Variants in CNTNAP2 observed in about 807,000 individuals in gnomAD.
CNTNAP2 encodes the protein contactin associated protein 2, also known as contactin-associated protein-like 2.
A neutral mutation model predicts 155.2 loss-of-function variants in CNTNAP2; 98 were observed. The observed-to-expected ratio is 0.63, with a 90% CI of 0.54 to 0.75. The LOEUF is 0.75. Among genes scored for constraint, CNTNAP2 ranks in the 30% least tolerant of loss-of-function variants. The pLI is 0.00. For missense variants in CNTNAP2, 1,727 were observed against 1,688.1 expected, an observed-to-expected ratio of 1.02 and a Z score of -0.40; for synonymous variants, 651 against 631.2, an observed-to-expected ratio of 1.03 and a Z score of -0.47.
intron 21 of CNTNAP2, among the ~76,000 whole-genome samples, chr7:148,323,294 CTTTTTTTTT>C (rs60109355): frequency 2.6e-4 from 13 of 49,464 alleles, no homozygotes; most frequent in African/African-American, 4.3e-4. Context: ...TTATGGATTT[CTTTTTTTTT>C]TTTTTTTTTT....
At chr7:148,173,528 G>T (rs1344099602) in intron 18 of CNTNAP2, among the ~76,000 whole-genome samples, 1 of 152,194 alleles carries the variant, frequency 6.6e-6, no homozygotes, top group Non-Finnish European at 1.5e-5. Context: ...GTACCTCCAG[G>T]CTACTGTTTG....
chr7:147,874,901 C>T (rs1799397222), intron 13 of CNTNAP2, among the ~76,000 whole-genome samples: 1 of 152,156 alleles, frequency 6.6e-6, no homozygotes, highest in Admixed American at 6.5e-5. Context: ...AAAATGCTGC[C>T]AGTCTCTTTG....
intron 14 of CNTNAP2, among the ~76,000 whole-genome samples, chr7:147,939,593 C>T (rs1800678734): frequency 6.6e-6 from 1 of 152,152 alleles, no homozygotes; most frequent in Non-Finnish European, 1.5e-5. Flanking sequence ...TCCCAAAGTG[C>T]TGGGATTACA....
chr7:146,128,932 A>T (rs1797676194), intron 1 of CNTNAP2, among the ~76,000 whole-genome samples: 1 of 152,164 alleles, frequency 6.6e-6, no homozygotes, highest in South Asian at 2.1e-4. Flanking sequence ...CAAAAATGAA[A>T]CAGAAATATT....
chr7:147,135,385 C>T (rs1479654547), intron 8 of CNTNAP2, among the ~76,000 whole-genome samples: 1 of 151,644 alleles, frequency 6.6e-6, no homozygotes, highest in Non-Finnish European at 1.5e-5. Context: ...AACAAAAAAC[C>T]CTACTTACTT....
At chr7:147,953,890 G>A (rs1204228810) in intron 14 of CNTNAP2, among the ~76,000 whole-genome samples, 1 of 152,124 alleles carries the variant, frequency 6.6e-6, no homozygotes, top group Non-Finnish European at 1.5e-5. Context: ...ACTAGCCATT[G>A]GATTAGGGCC....
chr7:146,569,261 C>T (rs531143537), intron 1 of CNTNAP2, among the ~76,000 whole-genome samples: 3 of 152,214 alleles, frequency 2.0e-5, no homozygotes, highest in South Asian at 2.1e-4. Flanking sequence ...CTTCGTGATC[C>T]GCCCTCCTCG....
chr7:147,008,260 T>G (rs939801164), intron 3 of CNTNAP2, among the ~76,000 whole-genome samples: 1 of 152,112 alleles, frequency 6.6e-6, no homozygotes, highest in Non-Finnish European at 1.5e-5. Flanking sequence ...CAGAAAATAA[T>G]GAGAACCAGC....
intron 1 of CNTNAP2, among the ~76,000 whole-genome samples, chr7:146,254,333 G>C (rs1403299827): frequency 6.6e-6 from 1 of 152,132 alleles, no homozygotes; most frequent in Non-Finnish European, 1.5e-5. Context: ...CATTTCATGT[G>C]TATTTCAATA....
At chr7:147,705,526 G>A (rs893389167) in intron 13 of CNTNAP2, among the ~76,000 whole-genome samples, 20 of 152,126 alleles carry the variant, frequency 1.3e-4, no homozygotes, top group African/African-American at 4.3e-4. Context: ...GCATTCTGTA[G>A]CTGCTGAATG....
chr7:146,455,386 A>AT (rs1341485706), intron 1 of CNTNAP2, among the ~76,000 whole-genome samples: 1 of 152,046 alleles, frequency 6.6e-6, no homozygotes, highest in South Asian at 2.1e-4. Flanking sequence ...ACATCCTTTT[A>AT]TTTTTCCCAG....
At chr7:146,888,032 T>C (rs1273650875) in intron 3 of CNTNAP2, among the ~76,000 whole-genome samples, 2 of 152,154 alleles carry the variant, frequency 1.3e-5, no homozygotes, top group African/African-American at 4.8e-5. Context: ...ATTTATTTAC[T>C]TAGAAAATCT....
At chr7:147,070,824 T>A (rs1584818007) in intron 4 of CNTNAP2, among the ~76,000 whole-genome samples, 1 of 151,004 alleles carries the variant, frequency 6.6e-6, no homozygotes, top group South Asian at 2.1e-4. Flanking sequence ...TAAGGAATTA[T>A]TTGAGAAGGC....
chr7:146,802,316 T>A (rs1239923566), intron 2 of CNTNAP2, among the ~76,000 whole-genome samples: 1 of 152,318 alleles, frequency 6.6e-6, no homozygotes, highest in Non-Finnish European at 1.5e-5. Flanking sequence ...TCTTCAGCAA[T>A]GGAAAACCCC....
At chr7:146,816,809 A>C (rs922542018) in intron 2 of CNTNAP2, among the ~76,000 whole-genome samples, 3 of 152,190 alleles carry the variant, frequency 2.0e-5, no homozygotes, top group African/African-American at 7.2e-5. Context: ...ATCTGTGGCA[A>C]CTTACCCAAC....
chr7:146,230,017 A>G (rs555057765), intron 1 of CNTNAP2, among the ~76,000 whole-genome samples: 1 of 152,312 alleles, frequency 6.6e-6, no homozygotes, highest in African/African-American at 2.4e-5. Flanking sequence ...GATAAAAGGC[A>G]TTTTTCCAAA....
chr7:147,554,752 T>TTC (rs1584809712), intron 11 of CNTNAP2, among the ~76,000 whole-genome samples: 1 of 152,208 alleles, frequency 6.6e-6, no homozygotes, highest in East Asian at 1.9e-4. Context: ...TAAATCCACA[T>TTC]TCTCTCTACC....
intron 1 of CNTNAP2, among the ~76,000 whole-genome samples, chr7:146,331,299 G>C (rs558439680): frequency 2.9e-4 from 38 of 129,140 alleles, no homozygotes; most frequent in African/African-American, 1.2e-3. Context: ...GCGAGACTCC[G>C]TCTCAAAAAA....
chr7:147,363,129 G>A (rs919032015), intron 9 of CNTNAP2, among the ~76,000 whole-genome samples: 1 of 152,108 alleles, frequency 6.6e-6, no homozygotes, highest in Non-Finnish European at 1.5e-5. Flanking sequence ...TGGGACCTTT[G>A]GAAGGAAATT....
Sources: allele counts gnomAD v4.1 joint callset (sites outside exome capture counted in the v4.1 genomes callset), GRCh38; gene constraint gnomAD v4.1.1; transcripts MANE v1.5; gene names NCBI Gene and HGNC (gene_info 2026-07-23, HGNC 2026-07-21).